The following IGF1R variants were observed in gnomAD, a reference collection of about 807,000 sequenced individuals.
The protein encoded by IGF1R is insulin like growth factor 1 receptor, also known as insulin-like growth factor 1 receptor.
IGF1R carries 44 observed loss-of-function variants against 144.6 expected under a neutral mutation model. The observed-to-expected ratio is 0.30, with a 90% CI of 0.24 to 0.39. IGF1R has a LOEUF of 0.39. IGF1R is among the 10% of genes least tolerant of loss of function. IGF1R has a pLI of 1.00. For synonymous variants in IGF1R, 795 were observed against 722.8 expected (o/e 1.10, Z -1.60); for missense variants, 1,355 against 1,833.7 (o/e 0.74, Z 4.77).
intron 20 of IGF1R, 147 bp downstream of exon 20, chr15:98,948,855 G>A (rs1385941058): frequency 1.0e-6 from 1 of 954,180 alleles, no homozygotes. Flanking sequence ...TTGTCCTTGT[G>A]GAAGGAGCTG....
intron 2 of IGF1R, among the ~76,000 whole-genome samples, chr15:98,862,049 C>G (rs1432094078): frequency 6.9e-6 from 1 of 144,278 alleles, no homozygotes; most frequent in Non-Finnish European, 1.5e-5. Flanking sequence ...GAAACCCTGA[C>G]AAACTCTTTT....
At position 98,707,983 on chromosome 15, in the gene IGF1R, T is replaced by A. The variant is rs1411744966; in HGVS notation, c.516T>A (p.Asn172Lys). Reference protein sequence around the residue: ...DAVSNNYIVGNKPPKECGDLC... With the variant: ...DAVSNNYIVGKKPPKECGDLC... The stretch of plus-strand genomic sequence containing the variant: ...TGTCCAATAACTACATTGTGGGGAA[T>A]AAGCCCCCAAAGGAATGTGGGGACC... Residue 172 changes from asparagine (N) to lysine (K), a missense_variant, in exon 2 of 21, where the codon AAT (asparagine) becomes AAA (lysine). Transcript: ENST00000650285. This position sits in a 1 kb window ranked among gnomAD's most constrained non-coding sequence, Gnocchi z 6.7. The A allele has an allele frequency of 6.2e-7, 1 of 1,614,158 alleles. No homozygotes were observed. Among genetic ancestry groups the A allele is most frequent in the South Asian group, 1.1e-5 (1 of 91,086 alleles).
intron 1 of IGF1R, among the ~76,000 whole-genome samples, chr15:98,663,308 C>T (rs1047202634): frequency 6.6e-6 from 1 of 152,178 alleles, no homozygotes; most frequent in Non-Finnish European, 1.5e-5. Context: ...CACAGGGCAG[C>T]TCCCGAGGAG....
chr15:98,810,132 T>C (rs1234018971), intron 2 of IGF1R, among the ~76,000 whole-genome samples: 1 of 110,700 alleles, frequency 9.0e-6, no homozygotes, highest in Admixed American at 1.2e-4. Context: ...TAGAAAGGCA[T>C]GGTGTGGGGG....
At chr15:98,716,672 C>T (rs1301385561) in intron 2 of IGF1R, among the ~76,000 whole-genome samples, 2 of 152,130 alleles carry the variant, frequency 1.3e-5, no homozygotes, top group Non-Finnish European at 2.9e-5. Context: ...CGGGAGTAGG[C>T]AGAAGAACAG....
At chr15:98,796,241 G>A (rs142207386) in intron 2 of IGF1R, among the ~76,000 whole-genome samples, 1 of 152,210 alleles carries the variant, frequency 6.6e-6, no homozygotes, top group East Asian at 1.9e-4. Context: ...TGTCTCAGAG[G>A]GTCCAGAAAG....
rs1480799746 is a variant in IGF1R at position 98,704,724 on chromosome 15, A to G, written c.95-2838A>G. Among the ~76,000 whole-genome samples the G allele has an allele frequency of 6.6e-6, 1 of 152,186 alleles. No homozygotes were observed. ...GAGAGAGACCATGAAAAGAAGGGCC[A>G]GAGCGGTGTCCTGCAGAGGGTGGTG... On this transcript the variant is annotated intron_variant, in intron 1 of 20. Transcript: ENST00000650285. This position sits in a 1 kb window ranked among gnomAD's most constrained non-coding sequence, Gnocchi z 4.9.
At chr15:98,845,146 G>C (rs1479845857) in intron 2 of IGF1R, among the ~76,000 whole-genome samples, 1 of 152,122 alleles carries the variant, frequency 6.6e-6, no homozygotes, top group Non-Finnish European at 1.5e-5. Context: ...CAGTAGCACC[G>C]AGAGTAGGGA....
chr15:98,701,324 ATTTTTTTTTTTTTT>A lies in IGF1R; in HGVS notation c.95-6221_95-6208del, dbSNP rs10581900. On this transcript the variant is annotated intron_variant, in intron 1 of 20. Coordinates refer to ENST00000650285, the MANE Select transcript of IGF1R (RefSeq NM_000875.5). ...TCCAACTATAAGCTAAGCCTATCTC[ATTTTTTTTTTTTTT>A]TTTTTTTTTTTTTTTTGAGATGGAG... 1.4e-4 allele frequency among the ~76,000 whole-genome samples: 10 copies of A among 73,020 alleles called. No individual in the cohort carries two copies. In the South Asian group the frequency reaches 1.6e-3, roughly 11 times the overall value. The allele number at this position is 73,020 out of a possible 152,430, so 47.9% of individuals were successfully genotyped here.
At chr15:98,911,657 T>G (rs1158361757) in intron 7 of IGF1R, among the ~76,000 whole-genome samples, 1 of 152,196 alleles carries the variant, frequency 6.6e-6, no homozygotes, top group Non-Finnish European at 1.5e-5. Context: ...GGGAAAGTGT[T>G]AGCTCGAGGC....
rs1029860673 is a variant in IGF1R at position 98,957,500 on chromosome 15, G to T, written c.*58G>T. ...GTGTGCGCACGCGCAGCGGGGTGGG[G>T]GGGGAGAGAGAGTTTTAACAATCCA... On this transcript the variant is annotated 3_prime_UTR_variant, in exon 21 of 21. Transcript: ENST00000650285. 127 of 1,606,562 alleles carry T rather than the reference G, an allele frequency of 7.9e-5. No homozygotes were observed. The highest frequency in any genetic ancestry group is 9.7e-5 in the Non-Finnish European group (114 of 1,176,476).
intron 7 of IGF1R, 134 bp from the exon 8 acceptor site, chr15:98,912,910 T>C: frequency 1.5e-6 from 1 of 683,692 alleles, no homozygotes; most frequent in East Asian, 2.7e-5. Context: ...TCTTCTTCTA[T>C]AAAAGTCTAA....
chr15:98,802,756 A>G (rs2056388680), intron 2 of IGF1R, among the ~76,000 whole-genome samples: 2 of 152,222 alleles, frequency 1.3e-5, no homozygotes, highest in South Asian at 4.1e-4. Context: ...CTCAAAGCAC[A>G]AGATATTTTT....
chr15:98,888,438 A>AGAGTGTGTGT (rs1555457179), intron 2 of IGF1R, among the ~76,000 whole-genome samples: 1,650 of 143,396 alleles, frequency 0.012, 23 homozygotes, highest in African/African-American at 0.033. Context: ...AGAGAGAGAG[A>AGAGTGTGTGT]GTGTGTGTGT....
At chr15:98,778,427 C>A (rs774058363) in intron 2 of IGF1R, among the ~76,000 whole-genome samples, 1 of 152,170 alleles carries the variant, frequency 6.6e-6, no homozygotes, top group East Asian at 1.9e-4. Flanking sequence ...TTTTGCCTAT[C>A]CTTCCACTTC....
At position 98,649,040 on chromosome 15, in the gene IGF1R, A is replaced by AGGT. The variant is rs1567055461; in HGVS notation, c.-540_-539insTGG. On this transcript the variant is annotated 5_prime_UTR_variant, in exon 1 of 21. Transcript: ENST00000650285. ...GGCGGCGAGCGGAGCCAGGAGGAGG[A>AGGT]GGAGGAGGGGGAGCCGCTCATTCAT... 4.5e-6 allele frequency: 1 copy of AGGT among 222,962 alleles called. No individual in the cohort carries two copies. Among genetic ancestry groups the AGGT allele is most frequent in the Non-Finnish European group, 8.9e-6 (1 of 112,328 alleles). The allele number at this position is 222,962 out of a possible 1,614,324, so 13.8% of individuals were successfully genotyped here.
At chr15:98,792,565 C>T (rs529487590) in intron 2 of IGF1R, among the ~76,000 whole-genome samples, 1 of 152,056 alleles carries the variant, frequency 6.6e-6, no homozygotes, top group Non-Finnish European at 1.5e-5. Flanking sequence ...TGGTTGTTAC[C>T]CAGGTTACCA....
intron 1 of IGF1R, among the ~76,000 whole-genome samples, chr15:98,672,884 A>C (rs115966733): frequency 6.6e-6 from 1 of 152,158 alleles, no homozygotes; most frequent in Non-Finnish European, 1.5e-5. Context: ...AGGGTTAACA[A>C]ATGTTTCTGG....
chr15:98,736,646 T>A (rs1309755827), intron 2 of IGF1R, among the ~76,000 whole-genome samples: 1 of 151,396 alleles, frequency 6.6e-6, no homozygotes, highest in African/African-American at 2.4e-5. Context: ...GAGTTTCACT[T>A]TATTGTCCAG....
Sources: gnomAD v4.1 joint callset for allele counts (sites outside exome capture counted in the v4.1 genomes callset) on GRCh38, gnomAD v4.1.1 for gene constraint, Gnocchi (gnomAD v3.1) non-coding constraint, MANE v1.5 for transcripts, NCBI Gene and HGNC (gene_info 2026-07-23, HGNC 2026-07-21) for gene names.